C10orf90: variants seen among roughly 807,000 people sequenced by gnomAD.
C10orf90 encodes the protein chromosome 10 open reading frame 90.
Under a neutral mutation model 62.5 loss-of-function variants are expected in C10orf90, and 56 were observed. The ratio of observed to expected loss-of-function variants is 0.90; its 90% CI spans 0.72 to 1.12. The LOEUF is 1.12. Among genes scored for constraint, C10orf90 ranks in the 50% most tolerant of loss-of-function variants. The pLI is 0.00. For missense variants in C10orf90, 970 were observed against 880.4 expected, an observed-to-expected ratio of 1.10 and a Z score of -1.29; for synonymous variants, 386 against 340.4, an observed-to-expected ratio of 1.13 and a Z score of -1.47.
chr10:126,442,321 A>G (rs1251752794), intron 7 of C10orf90, among the ~76,000 whole-genome samples: 1 of 151,224 alleles, frequency 6.6e-6, no homozygotes, highest in South Asian at 2.1e-4. Context: ...GGGACATTAC[A>G]TGATGATAAA....
At chr10:126,565,258 T>TGTAATATA (rs1844337062) in intron 2 of C10orf90, among the ~76,000 whole-genome samples, 4 of 18,970 alleles carry the variant, frequency 2.1e-4, no homozygotes, top group Non-Finnish European at 2.7e-4. Flanking sequence ...TATTATATTA[T>TGTAATATA]ATATTTATAT....
At chr10:126,505,203 G>C in intron 3 of C10orf90, 118 bp from the exon 4 acceptor site, 1 of 1,065,708 alleles carries the variant, frequency 9.4e-7, no homozygotes, top group South Asian at 1.7e-5. Context: ...CAGATGTCTT[G>C]TCCAAGGCTT....
At chr10:126,565,686 A>T (rs1373837184) in intron 2 of C10orf90, among the ~76,000 whole-genome samples, 2 of 151,858 alleles carry the variant, frequency 1.3e-5, no homozygotes, top group East Asian at 3.9e-4. Context: ...ACAGAAAACA[A>T]AGGATGAAAA....
At chr10:126,641,500 C>G (rs1286894136) in intron 2 of C10orf90, among the ~76,000 whole-genome samples, 1 of 151,962 alleles carries the variant, frequency 6.6e-6, no homozygotes, top group South Asian at 2.1e-4. Context: ...TTCCCTAAAC[C>G]AAGTGAATCA....
intron 7 of C10orf90, 118 bp downstream of exon 7, chr10:126,458,922 C>G (rs1004508605): frequency 2.7e-6 from 3 of 1,114,802 alleles, no homozygotes; most frequent in Non-Finnish European, 3.8e-6. Flanking sequence ...GGAGCCATAA[C>G]AGGTTCTGCG....
chr10:126,649,283 C>T (rs116327383), intron 1 of C10orf90, among the ~76,000 whole-genome samples: 1,994 of 152,160 alleles, frequency 0.013, 32 homozygotes, highest in African/African-American at 0.044. Context: ...AAAGACTTGG[C>T]GTGGACTCTA....
At chr10:126,595,826 C>T (rs768557574) in intron 2 of C10orf90, among the ~76,000 whole-genome samples, 4 of 152,092 alleles carry the variant, frequency 2.6e-5, no homozygotes, top group Non-Finnish European at 5.9e-5. Flanking sequence ...TAGCTCAGTA[C>T]CCCACACCCC....
chr10:126,445,274 C>A (rs560002254), intron 7 of C10orf90, among the ~76,000 whole-genome samples: 1 of 152,068 alleles, frequency 6.6e-6, no homozygotes, highest in Non-Finnish European at 1.5e-5. Context: ...ATACATCTGA[C>A]AAAGGACAAA....
intron 6 of C10orf90, 122 bp from the exon 7 acceptor site, chr10:126,459,339 G>A: frequency 9.7e-7 from 1 of 1,033,700 alleles, no homozygotes; most frequent in Non-Finnish European, 1.5e-6. Flanking sequence ...AAGCCACGGT[G>A]CAAAAGTACG....
chr10:126,511,710 C>T (rs971473374), intron 3 of C10orf90, among the ~76,000 whole-genome samples: 6 of 151,904 alleles, frequency 3.9e-5, no homozygotes, highest in African/African-American at 1.5e-4. Flanking sequence ...GAGAATAATA[C>T]AAGAGAGCTA....
At chr10:126,526,056 AC>A (rs2133948878) in intron 2 of C10orf90, among the ~76,000 whole-genome samples, 1 of 151,620 alleles carries the variant, frequency 6.6e-6, no homozygotes, top group East Asian at 1.9e-4. Flanking sequence ...ACACACACAC[AC>A]ACACAAAAGA....
chr10:126,641,757 G>C (rs1365144124), intron 2 of C10orf90, among the ~76,000 whole-genome samples: 1 of 152,154 alleles, frequency 6.6e-6, no homozygotes, highest in African/African-American at 2.4e-5. Flanking sequence ...GCAGATGTGA[G>C]TTTGGACAGA....
intron 2 of C10orf90, among the ~76,000 whole-genome samples, chr10:126,600,295 C>T (rs1591133284): frequency 6.6e-6 from 1 of 152,216 alleles, no homozygotes; most frequent in African/African-American, 2.4e-5. Context: ...CAAAGCTGTG[C>T]AGGTTTGGCC....
chr10:126,602,837 T>A (rs1474080886), intron 2 of C10orf90, among the ~76,000 whole-genome samples: 4 of 151,530 alleles, frequency 2.6e-5, no homozygotes, highest in African/African-American at 9.7e-5. Context: ...TTGGATTCCA[T>A]GAAATGTGGT....
At chr10:126,439,409 A>T (rs1299292388) in intron 7 of C10orf90, among the ~76,000 whole-genome samples, 1 of 152,196 alleles carries the variant, frequency 6.6e-6, no homozygotes, top group East Asian at 1.9e-4. Context: ...AAACAGAAAA[A>T]CAACAAGAAG....
rs556977390 is a variant in C10orf90, at chr10:126,567,526, C to G, written c.314-53587G>C. ...CGGGAGGCATGAGACCCTCTTCCCC[C>G]ACCCCCGGGAGATTTGCTCAGAGAG... On this transcript the variant is annotated intron_variant, in intron 2 of 9. Coordinates refer to ENST00000488181, the MANE Select transcript of C10orf90 (RefSeq NM_001350921.2). Among the ~76,000 whole-genome samples the G allele has an allele frequency of 3.9e-5, 6 of 152,272 alleles. No individual in the cohort carries two copies. In the South Asian group the frequency reaches 1.0e-3, roughly 26 times the overall value.
chr10:126,573,569 G>A (rs536238589), intron 2 of C10orf90, among the ~76,000 whole-genome samples: 1 of 152,254 alleles, frequency 6.6e-6, no homozygotes, highest in Admixed American at 6.5e-5. Flanking sequence ...CTGTCCAGTA[G>A]CACTTTAACA....
chr10:126,642,289 T>G (rs1443955266), intron 2 of C10orf90, among the ~76,000 whole-genome samples: 3 of 152,086 alleles, frequency 2.0e-5, no homozygotes, highest in Non-Finnish European at 4.4e-5. Flanking sequence ...TCCCAGCACT[T>G]TGGGAGGCCA....
intron 2 of C10orf90, among the ~76,000 whole-genome samples, chr10:126,577,388 C>T (rs1427554124): frequency 6.6e-6 from 1 of 151,310 alleles, no homozygotes; most frequent in African/African-American, 2.4e-5. Context: ...TTTCTATTTG[C>T]TAGCAAGAAA....
Sources: allele counts gnomAD v4.1 joint callset (sites outside exome capture counted in the v4.1 genomes callset), GRCh38; gene constraint gnomAD v4.1.1; transcripts MANE v1.5; gene names NCBI Gene and HGNC (gene_info 2026-07-23, HGNC 2026-07-21).